The following TTC8 variants were observed in gnomAD, a reference collection of about 807,000 sequenced individuals.
The protein encoded by TTC8 is tetratricopeptide repeat protein 8.
Under a neutral mutation model 72.5 loss-of-function variants are expected in TTC8, and 47 were observed. The observed-to-expected ratio is 0.65, with a 90% CI of 0.51 to 0.83. The LOEUF is 0.83. TTC8 is among the 40% of genes least tolerant of loss of function. The probability of loss-of-function intolerance (pLI) is 0.00; values close to 1 mark genes in which losing one functional copy is unlikely to be tolerated. For synonymous variants in TTC8, 199 were observed against 221.4 expected, an observed-to-expected ratio of 0.90 and a Z score of 0.90; for missense variants, 611 against 623.2, an observed-to-expected ratio of 0.98 and a Z score of 0.21.
intron 8 of TTC8, among the ~76,000 whole-genome samples, chr14:88,855,663 C>CT (rs2094852798): frequency 6.6e-6 from 1 of 151,974 alleles, no homozygotes; most frequent in South Asian, 2.1e-4. Context: ...TTATATGTAT[C>CT]TTTTTATTGT....
intron 2 of TTC8, among the ~76,000 whole-genome samples, chr14:88,835,517 T>C (rs1677873504): frequency 6.6e-6 from 1 of 152,188 alleles, no homozygotes; most frequent in South Asian, 2.1e-4. Flanking sequence ...TCTGTGCTTT[T>C]CCCTTAAAAA....
intron 14 of TTC8, 123 bp downstream of exon 14, chr14:88,875,232 C>G (rs943896995): frequency 5.1e-6 from 4 of 779,754 alleles, no homozygotes; most frequent in Non-Finnish European, 8.3e-6. Context: ...CTTTTTAAAA[C>G]TCTTAATTAC....
chr14:88,827,016 A>C (rs1396969892), intron 1 of TTC8, among the ~76,000 whole-genome samples: 1 of 150,864 alleles, frequency 6.6e-6, no homozygotes, highest in Non-Finnish European at 1.5e-5. Flanking sequence ...TTATTTGACC[A>C]CCGGATTCCT....
intron 7 of TTC8, among the ~76,000 whole-genome samples, chr14:88,849,801 T>C (rs936013032): frequency 2.6e-5 from 4 of 152,228 alleles, no homozygotes; most frequent in Admixed American, 6.5e-5. Context: ...AAACTATTTC[T>C]GCCTTTGAGT....
intron 10 of TTC8, 147 bp from the exon 11 acceptor site, chr14:88,869,912 T>A (rs1200162229): frequency 1.0e-5 from 8 of 773,970 alleles, no homozygotes; most frequent in Non-Finnish European, 1.7e-5. Context: ...TTGTTCATAT[T>A]GTATCCCCAG....
At chr14:88,857,693 A>G (rs2094863308) in intron 9 of TTC8, among the ~76,000 whole-genome samples, 1 of 152,186 alleles carries the variant, frequency 6.6e-6, no homozygotes, top group Admixed American at 6.5e-5. Context: ...CTTCACCTTT[A>G]TTGATCACCT....
intron 1 of TTC8, 104 bp downstream of exon 1, chr14:88,824,925 C>CG: frequency 8.9e-7 from 1 of 1,126,792 alleles, no homozygotes; most frequent in Middle Eastern, 2.4e-4. Flanking sequence ...AGGCCCGAGG[C>CG]GGGGCTGACC....
At chr14:88,831,622 G>A (rs573597841) in intron 1 of TTC8, among the ~76,000 whole-genome samples, 1 of 152,186 alleles carries the variant, frequency 6.6e-6, no homozygotes, top group East Asian at 1.9e-4. Context: ...TAACTCAGAG[G>A]GTGTTATAAG....
intron 10 of TTC8, among the ~76,000 whole-genome samples, chr14:88,861,935 T>G (rs2094887609): frequency 6.6e-6 from 1 of 152,226 alleles, no homozygotes; most frequent in African/African-American, 2.4e-5. Context: ...TGAATAGTGC[T>G]GCAATAAACA....
intron 7 of TTC8, among the ~76,000 whole-genome samples, chr14:88,852,420 T>A (rs1242836220): frequency 6.6e-6 from 1 of 152,192 alleles, no homozygotes; most frequent in African/African-American, 2.4e-5. Context: ...CTTAAGGTGA[T>A]GTCAGAAAAG....
chr14:88,835,321 A>G (rs1033544918), intron 2 of TTC8, among the ~76,000 whole-genome samples: 2 of 152,222 alleles, frequency 1.3e-5, no homozygotes, highest in African/African-American at 4.8e-5. Flanking sequence ...TTATTTTTAT[A>G]ACTAAAACTG....
intron 3 of TTC8, 41 bp downstream of exon 3, chr14:88,839,613 A>G (rs746269376): frequency 1.2e-6 from 2 of 1,607,604 alleles, no homozygotes; most frequent in Admixed American, 1.7e-5. Flanking sequence ...AAATACCATT[A>G]AGAGGAAGAA....
intron 6 of TTC8, among the ~76,000 whole-genome samples, chr14:88,841,837 C>G (rs2094783289): frequency 6.6e-6 from 1 of 151,936 alleles, no homozygotes; most frequent in East Asian, 1.9e-4. Context: ...TATTTTTTTC[C>G]TTTTTAGCTT....
rs757785642 is a variant in TTC8 at position 88,861,316 on chromosome 14, T to C, written c.893T>C (p.Ile298Thr). The change falls in exon 10 of 15, where the codon ATT becomes ACT. Residue 298 changes from isoleucine to threonine, a missense_variant. Physicochemically the swap from Ile to Thr is moderately conservative, Grantham distance 89. Coordinates refer to ENST00000380656, the MANE Select transcript of TTC8 (RefSeq NM_144596.4). ...GGAGAAGTAACCCTGCTCTGTGGAA[T>C]TGCAAGAATCTATGAGGTAATTCAT... ...FPGEVTLLCG[I>T]ARIYEEMNNM... 6.2e-7 allele frequency: 1 copy of C among 1,609,300 alleles called. No homozygotes were observed. The highest frequency in any genetic ancestry group is 8.5e-7 in the Non-Finnish European group (1 of 1,176,426).
intron 1 of TTC8, among the ~76,000 whole-genome samples, chr14:88,827,735 T>C (rs2094707880): frequency 2.0e-5 from 3 of 152,228 alleles, no homozygotes; most frequent in Admixed American, 2.0e-4. Context: ...GAATGATTTT[T>C]CCCAAGCTTG....
chr14:88,831,332 T>C (rs2094725033), intron 1 of TTC8, among the ~76,000 whole-genome samples: 1 of 152,180 alleles, frequency 6.6e-6, no homozygotes, highest in South Asian at 2.1e-4. Flanking sequence ...ACCCCTTAAT[T>C]TGCATGTAAT....
intron 7 of TTC8, among the ~76,000 whole-genome samples, chr14:88,849,692 T>G (rs1247815366): frequency 1.3e-5 from 2 of 152,192 alleles, no homozygotes; most frequent in African/African-American, 4.8e-5. Context: ...GGCTGGTGAT[T>G]CTGTGTTTAT....
chr14:88,875,774 T>G (rs2094954888), intron 14 of TTC8, among the ~76,000 whole-genome samples: 1 of 151,932 alleles, frequency 6.6e-6, no homozygotes, highest in African/African-American at 2.4e-5. Flanking sequence ...AGCATAAATA[T>G]GAAGTCATCT....
Position 88,861,284 on chromosome 14 carries a change from G to T in TTC8, c.861G>T (p.Lys287Asn). The T allele has an allele frequency of 6.2e-7, 1 of 1,612,952 alleles. No individual in the cohort carries two copies. Among genetic ancestry groups the T allele is most frequent in the Non-Finnish European group, 8.5e-7 (1 of 1,179,400 alleles). The change falls in exon 10 of 15, where the codon AAG becomes AAT. Residue 287 changes from lysine (K) to asparagine (N), a missense_variant. Lys to Asn is a moderately conservative substitution (Grantham distance 94). Transcript: ENST00000380656. ...ATCTTTTCAAACAAGGCTTAGATAA[G>T]TTTCCAGGAGAAGTAACCCTGCTCT... ...ALNLFKQGLD[K>N]FPGEVTLLCG...
Sources: allele counts gnomAD v4.1 joint callset (sites outside exome capture counted in the v4.1 genomes callset), GRCh38; gene constraint gnomAD v4.1.1; transcripts MANE v1.5; gene names NCBI Gene and HGNC (gene_info 2026-07-23, HGNC 2026-07-21).